IL1RAPL2: variants seen among roughly 807,000 people sequenced by gnomAD.
IL1RAPL2 encodes the protein X-linked interleukin-1 receptor accessory protein-like 2.
A neutral mutation model predicts 44.1 loss-of-function variants in IL1RAPL2; 3 were observed. The ratio of observed to expected loss-of-function variants is 0.07; its 90% CI spans 0.03 to 0.18. The LOEUF is 0.18. Ranked by LOEUF, IL1RAPL2 falls within the 10% of genes least tolerant of loss-of-function variation. The probability of loss-of-function intolerance (pLI) is 1.00; values close to 1 mark genes in which losing one functional copy is unlikely to be tolerated. For missense variants in IL1RAPL2, 391 were observed against 496.4 expected (o/e 0.79, Z 2.02); for synonymous variants, 181 against 178.8 (o/e 1.01, Z -0.10).
intron 2 of IL1RAPL2, among the ~76,000 whole-genome samples, chrX:105,133,084 G>A (rs1258677890): frequency 8.9e-6 from 1 of 111,763 alleles, no homozygotes; most frequent in Non-Finnish European, 1.9e-5. Context: ...GCATCCACTG[G>A]TAAATCTGAT....
At chrX:104,619,653 C>T (rs1569282236) in intron 1 of IL1RAPL2, among the ~76,000 whole-genome samples, 1 of 112,116 alleles carries the variant, frequency 8.9e-6, no homozygotes, top group Non-Finnish European at 1.9e-5. Flanking sequence ...CCCTAATCCA[C>T]CATCTTGGAA....
At chrX:105,749,232 C>T (rs1315497983) in intron 9 of IL1RAPL2, 129 bp downstream of exon 9, 4 of 540,938 alleles carry the variant, frequency 7.4e-6, no homozygotes, top group Admixed American at 4.2e-5. Context: ...AAGTTACTTA[C>T]CTTTAAATAG....
chrX:104,899,951 G>C (rs1923766074), intron 2 of IL1RAPL2, among the ~76,000 whole-genome samples: 1 of 112,340 alleles, frequency 8.9e-6, no homozygotes, highest in African/African-American at 3.2e-5. Flanking sequence ...AGAAGTGTGA[G>C]AAAGCCCACC....
At chrX:105,231,497 GA>G (rs2034070334) in intron 3 of IL1RAPL2, among the ~76,000 whole-genome samples, 2 of 110,705 alleles carry the variant, frequency 1.8e-5, no homozygotes, top group Admixed American at 9.7e-5. Context: ...TACAAAAATG[GA>G]AAAAAAATAA....
intron 6 of IL1RAPL2, among the ~76,000 whole-genome samples, chrX:105,647,165 C>T (rs941547609): frequency 8.9e-6 from 1 of 112,152 alleles, no homozygotes; most frequent in Admixed American, 9.4e-5. Context: ...ATGAGTGCCT[C>T]GCTGGATCAG....
In IL1RAPL2 at chrX:104,772,918, C is replaced by CT. The variant is rs972860681; in HGVS notation, c.82+113932dup. 1.6e-3 allele frequency among the ~76,000 whole-genome samples: 170 copies of CT among 109,500 alleles called. 1 individual carries two copies. The highest frequency in any genetic ancestry group is 5.0e-3 in the African/African-American group (152 of 30,190). On this transcript the variant is annotated intron_variant, in intron 2 of 10. Transcript: ENST00000372582. ...ACAGGAAGTACAATTTTTTCTTTTT[C>CT]TTTTTTTTTGAGACAAGGTCTTGCT...
At chrX:105,617,895 G>A (rs1039357719) in intron 6 of IL1RAPL2, among the ~76,000 whole-genome samples, 2 of 111,381 alleles carry the variant, frequency 1.8e-5, no homozygotes, top group Admixed American at 9.6e-5. Flanking sequence ...TTTAACTCCT[G>A]TCCCATAGAT....
chrX:105,032,757 A>G (rs991065664), intron 2 of IL1RAPL2, among the ~76,000 whole-genome samples: 1 of 111,052 alleles, frequency 9.0e-6, no homozygotes, highest in African/African-American at 3.3e-5. Flanking sequence ...TGGTACAGAG[A>G]TGAGTTCAGT....
intron 5 of IL1RAPL2, among the ~76,000 whole-genome samples, chrX:105,366,462 T>C (rs1395911618): frequency 9.0e-6 from 1 of 111,491 alleles, no homozygotes; most frequent in Non-Finnish European, 1.9e-5. Flanking sequence ...TTTTTATTTT[T>C]TTAAGTCAGG....
chrX:105,207,813 G>T (rs1423472861), intron 3 of IL1RAPL2, among the ~76,000 whole-genome samples: 1 of 112,288 alleles, frequency 8.9e-6, no homozygotes, highest in Admixed American at 9.5e-5. Context: ...GACCAATGCA[G>T]TGAAAAAGAG....
chrX:105,109,313 C>G (rs1443008791), intron 2 of IL1RAPL2, among the ~76,000 whole-genome samples: 1 of 112,321 alleles, frequency 8.9e-6, no homozygotes, highest in Non-Finnish European at 1.9e-5. Context: ...ACACAAATAT[C>G]CAAAGCAGCA....
rs757262947 is a variant in IL1RAPL2, at chrX:104,888,419, CCTT to C, written c.82+229428_82+229430del. Among the ~76,000 whole-genome samples the C allele has an allele frequency of 6.3e-5, 7 of 110,472 alleles. No homozygotes were observed. In the South Asian group the frequency reaches 2.0e-3, roughly 31 times the overall value. ...CGAAGAAGTCAAAGAGAAAGAAAGA[CCTT>C]CTTTCTATCTTCCTTCTTTCTGACA... On this transcript the variant is annotated intron_variant, in intron 2 of 10. Transcript: ENST00000372582.
At chrX:104,834,466 A>G (rs1304797725) in intron 2 of IL1RAPL2, among the ~76,000 whole-genome samples, 1 of 111,385 alleles carries the variant, frequency 9.0e-6, no homozygotes, top group East Asian at 2.8e-4. Flanking sequence ...GCATTCCCTG[A>G]ACACCCACTA....
At chrX:104,572,877 C>G (rs1928173560) in intron 1 of IL1RAPL2, among the ~76,000 whole-genome samples, 1 of 112,473 alleles carries the variant, frequency 8.9e-6, no homozygotes, top group Non-Finnish European at 1.9e-5. Context: ...GCCGCGGTTA[C>G]AGGTGTGAAC....
chrX:105,129,775 C>G (rs777384615), intron 2 of IL1RAPL2, among the ~76,000 whole-genome samples: 8 of 109,278 alleles, frequency 7.3e-5, no homozygotes, highest in Non-Finnish European at 1.5e-4. Context: ...GGTGTAGATG[C>G]CCTCACCATC....
intron 4 of IL1RAPL2, among the ~76,000 whole-genome samples, chrX:105,253,096 T>A (rs1011783932): frequency 9.0e-6 from 1 of 111,640 alleles, no homozygotes; most frequent in African/African-American, 3.3e-5. Context: ...CCAGACCCAG[T>A]CTGCTCCAAT....
chrX:104,973,387 A>G (rs2030272565), intron 2 of IL1RAPL2, among the ~76,000 whole-genome samples: 1 of 111,863 alleles, frequency 8.9e-6, no homozygotes, highest in Admixed American at 9.5e-5. Flanking sequence ...TAAAAGCCAA[A>G]AATGAGATTA....
intron 2 of IL1RAPL2, among the ~76,000 whole-genome samples, chrX:105,010,742 A>G (rs1296401048): frequency 1.8e-5 from 2 of 111,721 alleles, no homozygotes; most frequent in African/African-American, 6.5e-5. Flanking sequence ...CTAAAAAGAA[A>G]TTAGCTGAAA....
At position 104,759,820 on chromosome X, in the gene IL1RAPL2, CTCTT is replaced by C. The variant is rs976336486; in HGVS notation, c.82+100827_82+100830del. 2.7e-5 allele frequency among the ~76,000 whole-genome samples: 3 copies of C among 111,555 alleles called. No homozygotes were observed. In the Admixed American group the frequency reaches 2.9e-4, roughly 11 times the overall value. ...TTGAGTAACAAACAATTCAGTTACA[CTCTT>C]TATTTTAAAATGTACAGTTATTGTT... On this transcript the variant is annotated intron_variant, in intron 2 of 10. Transcript: ENST00000372582.
Sources: allele counts gnomAD v4.1 joint callset (sites outside exome capture counted in the v4.1 genomes callset), GRCh38; gene constraint gnomAD v4.1.1; transcripts MANE v1.5; gene names NCBI Gene and HGNC (gene_info 2026-07-23, HGNC 2026-07-21).